MEGF6: variants seen among roughly 807,000 people sequenced by gnomAD.
MEGF6 encodes the protein multiple epidermal growth factor-like domains protein 6.
A neutral mutation model predicts 207.1 loss-of-function variants in MEGF6; 184 were observed. That is an observed-to-expected ratio of 0.89 (90% confidence interval 0.79 to 1.00). The LOEUF is 1.00. Among genes scored for constraint, MEGF6 ranks in the 50% least tolerant of loss-of-function variants. The pLI is 0.00. For missense variants in MEGF6, 2,282 were observed against 2,202.9 expected, an observed-to-expected ratio of 1.04 and a Z score of -0.72; for synonymous variants, 1,038 against 910.0, an observed-to-expected ratio of 1.14 and a Z score of -2.53.
chr1:3,498,619 T>A, intron 25 of MEGF6, 79 bp downstream of exon 25: 1 of 1,489,010 alleles, frequency 6.7e-7, no homozygotes, highest in Non-Finnish European at 9.0e-7. Flanking sequence ...CCCCCTGACC[T>A]GGGAGCCCTC....
At position 3,494,111 on chromosome 1, in the gene MEGF6, G is replaced by A; in HGVS notation, c.4143C>T (p.Gly1381=). 2 of 1,573,704 alleles carry A rather than the reference G, an allele frequency of 1.3e-6. No individual in the cohort carries two copies. Among genetic ancestry groups the A allele is most frequent in the Non-Finnish European group, 1.7e-6 (2 of 1,158,910 alleles). The part of the protein sequence containing the change: ...GQACEHPCPP[G]FHGAGCQGLC... Reference sequence around the variant, plus strand: ...ACCCCTGGCAGCCAGCCCCGTGGAAGCCAGGGGGACAGGCTGAAGGACGCC... The same window carrying A: ...ACCCCTGGCAGCCAGCCCCGTGGAAACCAGGGGGACAGGCTGAAGGACGCC... Residue 1381 remains glycine (G), a synonymous_variant, in exon 33 of 37, where the codon GGC becomes GGT. Transcript: ENST00000356575.
chr1:3,551,605 C>T (rs1642886003), intron 4 of MEGF6, among the ~76,000 whole-genome samples: 1 of 152,170 alleles, frequency 6.6e-6, no homozygotes, highest in African/African-American at 2.4e-5. Context: ...CCCACCCTCT[C>T]AGTGGTCACA....
At chr1:3,508,283 T>C (rs573425122) in intron 13 of MEGF6, among the ~76,000 whole-genome samples, 4 of 152,386 alleles carry the variant, frequency 2.6e-5, no homozygotes, top group African/African-American at 7.2e-5. Flanking sequence ...TGCTTGTTGC[T>C]GGACCGTGAA....
chr1:3,547,910 G>A (rs1642766704), intron 4 of MEGF6, among the ~76,000 whole-genome samples: 1 of 152,208 alleles, frequency 6.6e-6, no homozygotes, highest in Non-Finnish European at 1.5e-5. Flanking sequence ...GAGGGAAGAA[G>A]GGAATCAAGT....
At chr1:3,599,190 C>T (rs1644121268) in intron 2 of MEGF6, among the ~76,000 whole-genome samples, 1 of 152,250 alleles carries the variant, frequency 6.6e-6, no homozygotes, top group African/African-American at 2.4e-5. Context: ...ATCTAATCCT[C>T]ACCGCTGCTG....
chr1:3,511,060 C>T (rs967850799), intron 9 of MEGF6, among the ~76,000 whole-genome samples, 158 bp from the exon 10 acceptor site: 1 of 152,222 alleles, frequency 6.6e-6, no homozygotes, highest in Non-Finnish European at 1.5e-5. Context: ...TTCATGGCAC[C>T]TGCAGACAAT....
intron 4 of MEGF6, among the ~76,000 whole-genome samples, chr1:3,539,621 T>C (rs1570092642): frequency 6.6e-6 from 1 of 152,166 alleles, no homozygotes; most frequent in Admixed American, 6.5e-5. Flanking sequence ...AACCTCCTCA[T>C]GAGTAGCCCC....
At chr1:3,574,023 G>A (rs975485929) in intron 4 of MEGF6, among the ~76,000 whole-genome samples, 5 of 152,064 alleles carry the variant, frequency 3.3e-5, no homozygotes, top group Non-Finnish European at 5.9e-5. Context: ...AGCTGCCAGA[G>A]CCACCTCCAG....
intron 3 of MEGF6, among the ~76,000 whole-genome samples, chr1:3,581,123 C>G (rs142010039): frequency 6.6e-6 from 1 of 152,300 alleles, no homozygotes; most frequent in Non-Finnish European, 1.5e-5. Context: ...TGAGCCATGA[C>G]CGGCTCGGGC....
chr1:3,499,664 G>C lies in MEGF6; in HGVS notation c.2889C>G (p.Thr963=). 3 of 1,598,088 alleles carry C rather than the reference G, an allele frequency of 1.9e-6. No individual in the cohort carries two copies. Among genetic ancestry groups the C allele is most frequent in the Non-Finnish European group, 2.6e-6 (3 of 1,173,538 alleles). Residue 963 remains threonine, a synonymous_variant, in exon 23 of 37, where the codon ACC becomes ACG. Transcript: ENST00000356575. The stretch of plus-strand genomic sequence containing the variant: ...TCACGGCATCACAGGCAGCTCCGGC[G>C]GTGCAGTTGCAGGCACTGCGACAGT... ...GLDCRSACNC[T]AGAACDAVNG...
chr1:3,516,005 T>G (rs966066459), intron 5 of MEGF6, among the ~76,000 whole-genome samples: 2 of 152,164 alleles, frequency 1.3e-5, no homozygotes, highest in African/African-American at 4.8e-5. Context: ...TGGGGGCAGA[T>G]GTGGGGATGC....
At chr1:3,555,251 C>T (rs1021837131) in intron 4 of MEGF6, among the ~76,000 whole-genome samples, 67 of 136,482 alleles carry the variant, frequency 4.9e-4, no homozygotes, top group African/African-American at 1.8e-3. Flanking sequence ...GAGCTGGGCA[C>T]GAAGAGGGTG....
chr1:3,578,961 G>A (rs1643725133), intron 4 of MEGF6, among the ~76,000 whole-genome samples: 1 of 151,992 alleles, frequency 6.6e-6, no homozygotes, highest in Non-Finnish European at 1.5e-5. Flanking sequence ...TGATTCATCC[G>A]ATTTCCTCGA....
At chr1:3,538,636 G>A (rs963598058) in intron 4 of MEGF6, among the ~76,000 whole-genome samples, 8 of 152,024 alleles carry the variant, frequency 5.3e-5, no homozygotes, top group East Asian at 1.9e-4. Flanking sequence ...AGCAGCCCCC[G>A]AGAGCCTGAG....
chr1:3,491,034 A>ACC, intron 35 of MEGF6, 75 bp from the exon 36 acceptor site: 1 of 1,374,058 alleles, frequency 7.3e-7, no homozygotes, highest in Non-Finnish European at 9.7e-7. Context: ...GCAAGGCGTG[A>ACC]CCCCATCCAG....
intron 30 of MEGF6, 40 bp downstream of exon 30, chr1:3,495,850 T>C: frequency 6.3e-7 from 1 of 1,588,472 alleles, no homozygotes; most frequent in East Asian, 2.3e-5. Context: ...GACATCTCTG[T>C]GAAGGGCCTG....
At chr1:3,580,244 G>T (rs1193398508) in intron 3 of MEGF6, among the ~76,000 whole-genome samples, 1 of 151,488 alleles carries the variant, frequency 6.6e-6, no homozygotes, top group Non-Finnish European at 1.5e-5. Context: ...GGTCTGAGAG[G>T]GGTGGGAGGA....
chr1:3,530,362 G>A (rs115236655), intron 4 of MEGF6, among the ~76,000 whole-genome samples: 1,652 of 152,308 alleles, frequency 0.011, 9 homozygotes, highest in Non-Finnish European at 0.018. Context: ...GCCAGCCACT[G>A]CCTACCCCCG....
chr1:3,500,014 T>C, intron 21 of MEGF6, 90 bp from the exon 22 acceptor site: 3 of 1,457,192 alleles, frequency 2.1e-6, no homozygotes, highest in Non-Finnish European at 2.7e-6. Flanking sequence ...CCCAGGACTG[T>C]GGGACAGGCC....
Sources: allele counts gnomAD v4.1 joint callset (sites outside exome capture counted in the v4.1 genomes callset), GRCh38; gene constraint gnomAD v4.1.1; transcripts MANE v1.5; gene names NCBI Gene and HGNC (gene_info 2026-07-23, HGNC 2026-07-21).